TNK2: variants seen among roughly 807,000 people sequenced by gnomAD.
The protein encoded by TNK2 is tyrosine kinase non receptor 2.
TNK2 carries 83 observed loss-of-function variants against 101.8 expected under a neutral mutation model. The observed-to-expected ratio is 0.82, with a 90% CI of 0.68 to 0.98. The LOEUF (loss-of-function observed/expected upper bound fraction) is 0.98, where lower values mean the gene tolerates loss of function less well. TNK2 is among the 50% of genes least tolerant of loss of function. The probability of loss-of-function intolerance (pLI) is 0.00; values close to 1 mark genes in which losing one functional copy is unlikely to be tolerated. For missense variants in TNK2, 1,665 were observed against 1,483.2 expected (o/e 1.12, Z -2.01); for synonymous variants, 804 against 633.0 (o/e 1.27, Z -4.06).
chr3:195,885,765 T>C lies in TNK2; in HGVS notation c.235-732A>G, dbSNP rs771668118. The C allele has an allele frequency of 2.0e-5, 8 of 397,612 alleles. No individual in the cohort carries two copies. The highest frequency in any genetic ancestry group is 1.0e-4 in the South Asian group (5 of 49,170). The allele number at this position is 397,612 out of a possible 1,614,324, so 24.6% of individuals were successfully genotyped here. On this transcript the variant is annotated intron_variant, in intron 3 of 15. Coordinates refer to ENST00000672887, the MANE Select transcript of TNK2 (RefSeq NM_001382273.1). This position sits in a 1 kb window ranked among gnomAD's most constrained non-coding sequence, Gnocchi z 4.7. The stretch of plus-strand genomic sequence containing the variant: ...TCAAGGGACAGAAGAAAGGAGGCCA[T>C]GAGGGTCAAAGCTGGCCACGTCGGT...
intron 12 of TNK2, chr3:195,869,161 C>T (rs1368550942): frequency 1.7e-5 from 9 of 544,124 alleles, no homozygotes; most frequent in East Asian, 3.1e-5. Context: ...TCCTGACCAA[C>T]GGCCACAAAG....
Position 195,867,210 on chromosome 3 carries a change from AC to A in TNK2, c.2991del (p.Gln997HisfsTer14). The A allele has an allele frequency of 6.2e-7, 1 of 1,613,004 alleles. No individual in the cohort carries two copies. The highest frequency in any genetic ancestry group is 1.3e-5 in the African/African-American group (1 of 75,030). ...GCCCTCTGCACGCTCCAGCCGTGGCACTGCAGGGCCGCCTGGCACTCCTCTG... is the reference window on the plus strand; with the variant it reads ...GCCCTCTGCACGCTCCAGCCGTGGCATGCAGGGCCGCCTGGCACTCCTCTG... ...VTTEECQAAL[Q>X]CHGWSVQRAA... On this transcript the variant is annotated frameshift_variant, in exon 14 of 16. Transcript: ENST00000672887. LOFTEE classifies it high-confidence loss of function.
chr3:195,879,817 C>A (rs1050402801), intron 6 of TNK2, among the ~76,000 whole-genome samples: 2 of 152,008 alleles, frequency 1.3e-5, no homozygotes, highest in African/African-American at 2.4e-5. Context: ...GAAAGTCACT[C>A]GAGATCGCTA....
rs535699406 is a variant in TNK2, at chr3:195,895,365, C to T, written c.-18-6759G>A. 6 of 1,556,800 alleles carry T rather than the reference C, an allele frequency of 3.9e-6. No individual in the cohort carries two copies. In the African/African-American group the frequency reaches 4.2e-5, roughly 11 times the overall value. ...AGCGCCCGCAGCCCCCGCCCCGCAG[C>T]GGCACCGGCAGCGTCACTGCCCTGC... On this transcript the variant is annotated intron_variant, in intron 1 of 15. Coordinates refer to ENST00000672887, the MANE Select transcript of TNK2 (RefSeq NM_001382273.1).
At chr3:195,867,106 TGGGG>T in intron 14 of TNK2, 59 bp downstream of exon 14, 1 of 1,607,868 alleles carries the variant, frequency 6.2e-7, no homozygotes, top group Non-Finnish European at 8.5e-7. Context: ...GGCGTGGGGC[TGGGG>T]GCAGCAGAAC....
rs1360590823 is a variant in TNK2 at position 195,878,664 on chromosome 3, G to A, written c.1015-72C>T. On this transcript the variant is annotated intron_variant, in intron 7 of 15. Transcript: ENST00000672887. The surrounding 1 kb of genome is among the most constrained non-coding windows in gnomAD (Gnocchi z 4.7). ...CCCTTCACTTCCCGCCTTCCCTCCA[G>A]CCCATCCACAGCTGCAGCGGCTGCT... 3 of 1,560,096 alleles carry A rather than the reference G, an allele frequency of 1.9e-6. No individual in the cohort carries two copies. The highest frequency in any genetic ancestry group is 1.8e-5 in the Admixed American group (1 of 56,110).
In TNK2 at chr3:195,868,284, C is replaced by T. The variant is rs201932629; in HGVS notation, c.2014G>A (p.Ala672Thr). ...ICSINSTLVGAGVPAGPSQGQ... is the reference protein window; with the variant it reads ...ICSINSTLVGTGVPAGPSQGQ... ...TGGCTGGGCCCGGCAGGGACCCCCG[C>T]GCCCACGAGGGTGCTGTTGATGGAG... Residue 672 changes from alanine (A) to threonine (T), a missense_variant, in exon 13 of 16, where the codon GCG (alanine) becomes ACG (threonine). Transcript: ENST00000672887. 48 of 1,603,982 alleles carry T rather than the reference C, an allele frequency of 3.0e-5. No homozygotes were observed. The highest frequency in any genetic ancestry group is 2.0e-4 in the African/African-American group (15 of 74,958).
Position 195,883,159 on chromosome 3 carries a change from T to C in TNK2, c.607A>G (p.Met203Val), listed in dbSNP as rs1753981616. The C allele has an allele frequency of 1.6e-6, 2 of 1,215,956 alleles. No homozygotes were observed. Among genetic ancestry groups the C allele is most frequent in the Non-Finnish European group, 2.3e-6 (2 of 877,616 alleles). 75.3% of individuals were successfully genotyped at this position (1,215,956 alleles called of 1,614,324 possible). ...CCCCTCCCGCCCGCAGTACTCACCA[T>C]CTTCATGGGCGGCGTGAGCACCACC... ...YGVVLTPPMKMVTELAPLGSL... is the reference protein window; with the variant it reads ...YGVVLTPPMKVVTELAPLGSL... The change falls in exon 5 of 16, where the codon ATG becomes GTG. Residue 203 changes from methionine (M) to valine (V), a missense_variant and splice_region_variant. Met to Val is a conservative substitution (Grantham distance 21). Coordinates refer to ENST00000672887, the MANE Select transcript of TNK2 (RefSeq NM_001382273.1).
At chr3:195,896,207 C>T in intron 1 of TNK2, 1 of 425,028 alleles carries the variant, frequency 2.4e-6, no homozygotes. Context: ...CCCCCGGGGC[C>T]CCAAGGCACC....
rs1273644434 is a variant in TNK2 at position 195,890,014 on chromosome 3, CCACAGTTCCCAGTGGCCCTGCCAA to C, written c.-18-1432_-18-1409del. 7.2e-5 allele frequency among the ~76,000 whole-genome samples: 11 copies of C among 152,376 alleles called. No homozygotes were observed. The East Asian group carries it at 1.9e-3, about 27-fold the overall frequency. The stretch of plus-strand genomic sequence containing the variant: ...TGGGCCCAGCGTGAGCCTCCTGCCC[CCACAGTTCCCAGTGGCCCTGCCAA>C]CACAGTGCCAGTTCCGACTTTTTCA... On this transcript the variant is annotated intron_variant, in intron 1 of 15. Transcript: ENST00000672887.
chr3:195,871,947 A>G (rs13063157), intron 10 of TNK2, among the ~76,000 whole-genome samples: 1 of 72,968 alleles, frequency 1.4e-5, no homozygotes. Context: ...CCTGGAGAAC[A>G]TTCCCCTGGA....
intron 1 of TNK2, chr3:195,892,460 A>G: frequency 6.5e-7 from 1 of 1,535,550 alleles, no homozygotes; most frequent in African/African-American, 1.4e-5. Context: ...GGAGAGCTCC[A>G]GGCCAGGGAA....
chr3:195,868,386 C>T lies in TNK2; in HGVS notation c.1912G>A (p.Asp638Asn). The T allele has an allele frequency of 6.3e-7, 1 of 1,591,082 alleles. No individual in the cohort carries two copies. The highest frequency in any genetic ancestry group is 8.5e-7 in the Non-Finnish European group (1 of 1,174,570). ...GGGGGCAGCGGGCGTGCGTCCCAGTCCACCACAGGCGTGGGGTGCAGGGGC... is the reference window on the plus strand; with the variant it reads ...GGGGGCAGCGGGCGTGCGTCCCAGTTCACCACAGGCGTGGGGTGCAGGGGC... The part of the protein sequence containing the change: ...PRPLHPTPVV[D>N]WDARPLPPPP... Residue 638 changes from aspartate (D) to asparagine (N), a missense_variant, in exon 13 of 16, where the codon GAC (aspartate) becomes AAC (asparagine). By Grantham distance (23) the Asp-to-Asn change is conservative. Around this residue, in one of 3 missense-constraint regions of TNK2, gnomAD observed 1,136 missense variants for 894.9 expected, o/e 1.27. Coordinates refer to ENST00000672887, the MANE Select transcript of TNK2 (RefSeq NM_001382273.1).
Position 195,868,267 on chromosome 3 carries a change from C to A in TNK2, c.2031G>T (p.Gly677=), listed in dbSNP as rs1458215557. 1 of 1,604,422 alleles carries A rather than the reference C, an allele frequency of 6.2e-7. No homozygotes were observed. The highest frequency in any genetic ancestry group is 8.5e-7 in the Non-Finnish European group (1 of 1,179,530). The change falls in exon 13 of 16, where the codon GGG becomes GGT. Residue 677 remains glycine, a synonymous_variant. Coordinates refer to ENST00000672887, the MANE Select transcript of TNK2 (RefSeq NM_001382273.1). ...STLVGAGVPA[G]PSQGQTNYAF... is the part of the protein sequence containing the mutation. ...CGTAGTTGGTCTGGCCCTGGCTGGGCCCGGCAGGGACCCCCGCGCCCACGA... is the reference window on the plus strand; with the variant it reads ...CGTAGTTGGTCTGGCCCTGGCTGGGACCGGCAGGGACCCCCGCGCCCACGA...
At chr3:195,870,973 G>GGGTTCTGGTGTGTGGGGGCCCGCTGTGT (rs1744796692) in intron 10 of TNK2, among the ~76,000 whole-genome samples, 1 of 129,298 alleles carries the variant, frequency 7.7e-6, no homozygotes, top group South Asian at 2.6e-4. Flanking sequence ...CTCGCTGTGT[G>GGGTTCTGGTGTGTGGGGGCCCGCTGTGT]GGGTTCTGGT....
rs1229303254 is a variant in TNK2, at chr3:195,872,427, A to G, written c.1300T>C (p.Cys434Arg). The change falls in exon 10 of 16, where the codon TGT (cysteine) becomes CGT (arginine). Residue 434 changes from cysteine to arginine, a missense_variant. Coordinates refer to ENST00000672887, the MANE Select transcript of TNK2 (RefSeq NM_001382273.1). ...WWRGQNTRTL[C>R]VGPFPRNVVT... ...ACGTTGCGAGGGAAGGGCCCCACAC[A>G]CAGCGTCCGTGTGTTCTGGCCACGC... The G allele has an allele frequency of 3.7e-6, 6 of 1,611,728 alleles. No individual in the cohort carries two copies. The highest frequency in any genetic ancestry group is 5.1e-6 in the Non-Finnish European group (6 of 1,179,030).
At chr3:195,879,847 G>C (rs1751413224) in intron 6 of TNK2, among the ~76,000 whole-genome samples, 1 of 152,054 alleles carries the variant, frequency 6.6e-6, no homozygotes, top group African/African-American at 2.4e-5. Context: ...ATCCTCCTTG[G>C]TGAAATGAGA....
At chr3:195,874,285 G>A (rs1001931559) in intron 9 of TNK2, among the ~76,000 whole-genome samples, 7 of 152,188 alleles carry the variant, frequency 4.6e-5, no homozygotes, top group African/African-American at 1.7e-4. Context: ...TCTCCCTTCC[G>A]CCAACACTGC....
At chr3:195,897,830 CCCCCCGCCCCCAG>C (rs1760800536) in intron 1 of TNK2, among the ~76,000 whole-genome samples, 3 of 118,268 alleles carry the variant, frequency 2.5e-5, no homozygotes, top group African/African-American at 9.5e-5. Context: ...CCCCCCCCCA[CCCCCCGCCCCCAG>C]CTTCTTAACT....
Sources: gnomAD v4.1 joint callset for allele counts (sites outside exome capture counted in the v4.1 genomes callset) on GRCh38, gnomAD v4.1.1 for gene constraint, gnomAD v4.1.1 regional missense constraint, Gnocchi (gnomAD v3.1) non-coding constraint, MANE v1.5 for transcripts, NCBI Gene and HGNC (gene_info 2026-07-23, HGNC 2026-07-21) for gene names.